The following GK5 variants were observed in gnomAD, a reference collection of about 807,000 sequenced individuals.
GK5 encodes the protein glycerol kinase 5, also known as ATP:glycerol 3-phosphotransferase 5.
GK5 carries 39 observed loss-of-function variants against 77.3 expected under a neutral mutation model. That is an observed-to-expected ratio of 0.50 (90% confidence interval 0.39 to 0.66). GK5 has a LOEUF of 0.66. Ranked by LOEUF, GK5 falls within the 30% of genes least tolerant of loss-of-function variation. GK5 has a pLI of 0.00. For synonymous variants in GK5, 211 were observed against 208.0 expected (o/e 1.01, Z -0.13); for missense variants, 487 against 633.8 (o/e 0.77, Z 2.49).
chr3:142,219,204 C>T (rs889597040), intron 1 of GK5, among the ~76,000 whole-genome samples: 1 of 152,100 alleles, frequency 6.6e-6, no homozygotes, highest in African/African-American at 2.4e-5. Context: ...TAGGTATTTA[C>T]CCTAGAGAAA....
Position 142,175,694 on chromosome 3 carries a change from C to T in GK5, c.1143+1788G>A, listed in dbSNP as rs925063941. On this transcript the variant is annotated intron_variant, in intron 12 of 15. Transcript: ENST00000392993. ...TCAACCTACCACCTCTCCCAACTGC[C>T]CTCTACTGCCAGTATATGGGCAGGT... 2.6e-5 allele frequency among the ~76,000 whole-genome samples: 4 copies of T among 152,054 alleles called. No homozygotes were observed. In the East Asian group the frequency reaches 7.7e-4, roughly 29 times the overall value.
intron 12 of GK5, among the ~76,000 whole-genome samples, chr3:142,176,045 G>C (rs1296940770): frequency 6.6e-6 from 1 of 151,778 alleles, no homozygotes; most frequent in Non-Finnish European, 1.5e-5. Flanking sequence ...ATCTCAATTA[G>C]ATAAAAAATT....
At chr3:142,207,567 T>C (rs1258143138) in intron 3 of GK5, among the ~76,000 whole-genome samples, 1 of 152,184 alleles carries the variant, frequency 6.6e-6, no homozygotes, top group Non-Finnish European at 1.5e-5. Context: ...CATACAAATG[T>C]TATGTTAAAG....
chr3:142,192,103 A>G (rs2063860635), intron 5 of GK5, among the ~76,000 whole-genome samples: 1 of 152,212 alleles, frequency 6.6e-6, no homozygotes, highest in South Asian at 2.1e-4. Flanking sequence ...TCTGTATCAC[A>G]AGGCATTAGG....
intron 10 of GK5, among the ~76,000 whole-genome samples, chr3:142,181,859 A>C (rs2063701772): frequency 2.0e-5 from 3 of 152,256 alleles, no homozygotes; most frequent in Admixed American, 1.3e-4. Context: ...TAATATGAAC[A>C]ATAAATACTA....
intron 15 of GK5, among the ~76,000 whole-genome samples, chr3:142,168,080 T>G (rs992389558): frequency 6.6e-6 from 1 of 152,220 alleles, no homozygotes; most frequent in African/African-American, 2.4e-5. Flanking sequence ...GCATTTTAAA[T>G]GTTCAAGAGA....
At chr3:142,180,034 C>T (rs1399246323) in intron 11 of GK5, among the ~76,000 whole-genome samples, 1 of 152,178 alleles carries the variant, frequency 6.6e-6, no homozygotes, top group Non-Finnish European at 1.5e-5. Flanking sequence ...GAGAGATTCT[C>T]ATTTTTTGTT....
chr3:142,173,274 C>A, intron 12 of GK5: 1 of 394,636 alleles, frequency 2.5e-6, no homozygotes, highest in Non-Finnish European at 5.0e-6. Flanking sequence ...CAGAAATAAT[C>A]CAGCCTAACA....
chr3:142,191,141 C>T (rs2063844199), intron 5 of GK5, among the ~76,000 whole-genome samples: 1 of 151,918 alleles, frequency 6.6e-6, no homozygotes, highest in African/African-American at 2.4e-5. Context: ...CTCCCCGGTT[C>T]AAAAGATTCT....
chr3:142,183,340 A>C (rs942858682), intron 9 of GK5: 1 of 200,144 alleles, frequency 5.0e-6, no homozygotes, highest in African/African-American at 2.3e-5. Flanking sequence ...TCTGTCACCC[A>C]GGCTAGAGTG....
chr3:142,182,128 C>T (rs78553201), intron 10 of GK5, among the ~76,000 whole-genome samples: 14,570 of 152,114 alleles, frequency 0.096, 920 homozygotes, highest in Middle Eastern at 0.15. Flanking sequence ...TAAGCCACCT[C>T]TTAGTAACCA....
At chr3:142,173,991 C>T (rs570833719) in intron 12 of GK5, among the ~76,000 whole-genome samples, 3 of 152,250 alleles carry the variant, frequency 2.0e-5, no homozygotes, top group Non-Finnish European at 4.4e-5. Context: ...AAACTCTGGA[C>T]CCCAGAGACT....
rs200062093 is a variant in GK5 at position 142,170,405 on chromosome 3, A to G, written c.1361T>C (p.Leu454Pro). Reference sequence around the variant, plus strand: ...AGGTCTGTCTATATTCTCATTAATCAGGTCTGAAGTCATCTGCATGACAAA... The same window carrying G: ...AGGTCTGTCTATATTCTCATTAATCGGGTCTGAAGTCATCTGCATGACAAA... ...NGFVMQMTSD[L>P]INENIDRPAD... The change falls in exon 15 of 16, where the codon CTG becomes CCG. Residue 454 changes from leucine (L) to proline (P), a missense_variant. By Grantham distance (98) the Leu-to-Pro change is moderately conservative (BLOSUM62 -3). Coordinates refer to ENST00000392993, the MANE Select transcript of GK5 (RefSeq NM_001039547.3). 11 of 1,613,948 alleles carry G rather than the reference A, an allele frequency of 6.8e-6. No individual in the cohort carries two copies. The highest frequency in any genetic ancestry group is 9.3e-6 in the Non-Finnish European group (11 of 1,179,844).
intron 1 of GK5, among the ~76,000 whole-genome samples, chr3:142,217,703 C>T (rs1292120153): frequency 1.3e-5 from 2 of 152,156 alleles, no homozygotes; most frequent in Non-Finnish European, 2.9e-5. Context: ...AAGCATTACA[C>T]ACCCAGATAT....
At chr3:142,182,350 ATTT>A (rs144059110) in intron 10 of GK5, among the ~76,000 whole-genome samples, 1 of 147,788 alleles carries the variant, frequency 6.8e-6, no homozygotes. Context: ...TAGTAAGAAG[ATTT>A]TTTTTTTTGG....
At chr3:142,175,044 C>T (rs2063589489) in intron 12 of GK5, among the ~76,000 whole-genome samples, 1 of 152,198 alleles carries the variant, frequency 6.6e-6, no homozygotes, top group South Asian at 2.1e-4. Flanking sequence ...CAGAGAGAAG[C>T]AGGAACCCAA....
chr3:142,177,857 C>CTTT (rs370889965), intron 11 of GK5, among the ~76,000 whole-genome samples: 4 of 128,184 alleles, frequency 3.1e-5, no homozygotes, highest in African/African-American at 5.9e-5. Flanking sequence ...CGTTTTTTTT[C>CTTT]TTTTTTTTTT....
At chr3:142,204,313 TG>T in intron 4 of GK5, 1 of 293,824 alleles carries the variant, frequency 3.4e-6, no homozygotes, top group East Asian at 9.0e-5. Context: ...CCATCATGCC[TG>T]TAATGATAAG....
chr3:142,160,709 C>T lies in GK5; in HGVS notation c.*4913G>A, dbSNP rs1325335584. ...ACAAATAGTTTTTCAAATATATAAA[C>T]ATATTAAGAATTTTATTTTATTTTA... On this transcript the variant is annotated 3_prime_UTR_variant, in exon 16 of 16. Coordinates refer to ENST00000392993, the MANE Select transcript of GK5 (RefSeq NM_001039547.3). The T allele has an allele frequency of 2.0e-5, 3 of 152,130 alleles. No homozygotes were observed. Among genetic ancestry groups the T allele is most frequent in the African/African-American group, 7.2e-5 (3 of 41,418 alleles). 9.4% of individuals were successfully genotyped at this position (152,130 alleles called of 1,614,324 possible).
Sources: allele counts gnomAD v4.1 joint callset (sites outside exome capture counted in the v4.1 genomes callset), GRCh38; gene constraint gnomAD v4.1.1; transcripts MANE v1.5; gene names NCBI Gene and HGNC (gene_info 2026-07-23, HGNC 2026-07-21).